AGBL1: variants seen among roughly 807,000 people sequenced by gnomAD.
AGBL1 encodes cytosolic carboxypeptidase 4.
Under a neutral mutation model 118.9 loss-of-function variants are expected in AGBL1, and 130 were observed. That is an observed-to-expected ratio of 1.09 (90% CI 0.95 to 1.26). The LOEUF is 1.26. Ranked by LOEUF, AGBL1 falls within the 50% of genes most tolerant of loss-of-function variation. AGBL1 has a pLI of 0.00. For missense variants in AGBL1, 1,584 were observed against 1,298.1 expected (o/e 1.22, Z -3.38); for synonymous variants, 555 against 478.9 (o/e 1.16, Z -2.08).
intron 21 of AGBL1, among the ~76,000 whole-genome samples, chr15:86,554,943 A>C (rs1035133823): frequency 6.6e-6 from 1 of 151,858 alleles, no homozygotes; most frequent in African/African-American, 2.4e-5. Context: ...TTGTTGGTAC[A>C]TATATCTATT....
At chr15:86,893,099 C>G (rs1567227228) in intron 22 of AGBL1, among the ~76,000 whole-genome samples, 1 of 152,128 alleles carries the variant, frequency 6.6e-6, no homozygotes, top group Non-Finnish European at 1.5e-5. Context: ...CAGAGTTGCT[C>G]TTTTCTCGCC....
intron 18 of AGBL1, among the ~76,000 whole-genome samples, chr15:86,411,976 A>G (rs1165830367): frequency 1.3e-5 from 2 of 152,098 alleles, no homozygotes; most frequent in African/African-American, 4.8e-5. Context: ...CTTTGAAAGC[A>G]CCCACTCCTA....
intron 21 of AGBL1, among the ~76,000 whole-genome samples, chr15:86,632,950 A>T (rs1159953768): frequency 1.3e-5 from 2 of 152,234 alleles, no homozygotes; most frequent in Non-Finnish European, 2.9e-5. Context: ...CAAAAAGCCT[A>T]CAAAAACACA....
At chr15:86,922,348 T>A (rs573804761) in intron 23 of AGBL1, among the ~76,000 whole-genome samples, 16 of 152,354 alleles carry the variant, frequency 1.1e-4, no homozygotes, top group Admixed American at 9.8e-4. Flanking sequence ...TGGAGTGCAA[T>A]GGCACAATCT....
intron 21 of AGBL1, among the ~76,000 whole-genome samples, chr15:86,612,699 A>T (rs1367964433): frequency 6.6e-6 from 1 of 152,104 alleles, no homozygotes. Flanking sequence ...TCTTGTGGGG[A>T]AAATTTGCAC....
chr15:87,004,128 C>G (rs1596730150), intron 24 of AGBL1, among the ~76,000 whole-genome samples: 1 of 152,182 alleles, frequency 6.6e-6, no homozygotes, highest in African/African-American at 2.4e-5. Flanking sequence ...CCTCTACACA[C>G]TGCTTTAAAT....
At chr15:86,815,557 T>C (rs2078847141) in intron 22 of AGBL1, among the ~76,000 whole-genome samples, 1 of 152,172 alleles carries the variant, frequency 6.6e-6, no homozygotes, top group Non-Finnish European at 1.5e-5. Context: ...AAACTGCACA[T>C]TATCAGGAGT....
Position 86,791,071 on chromosome 15 carries a change from A to T in AGBL1, c.3159-116016A>T, listed in dbSNP as rs377571084. ...TGGAAGATAGATGATATTTGGAAAG[A>T]TATGAAAATCCAGTCTTTAGACTGA... On this transcript the variant is annotated intron_variant, in intron 22 of 22. Transcript: ENST00000614907. Among the ~76,000 whole-genome samples, 298 of 152,326 alleles carry T rather than the reference A, an allele frequency of 2.0e-3. 2 individuals are homozygous for T. The highest frequency in any genetic ancestry group is 6.9e-3 in the African/African-American group (288 of 41,590).
intron 22 of AGBL1, among the ~76,000 whole-genome samples, chr15:86,714,582 C>T (rs2011360): frequency 0.85 from 128,594 of 152,076 alleles, 54,482 homozygotes; most frequent in East Asian, 0.93. Context: ...ATTCAAACGT[C>T]TAGAAAAAAA....
chr15:86,405,390 C>T (rs973486862), intron 18 of AGBL1, among the ~76,000 whole-genome samples: 2 of 151,950 alleles, frequency 1.3e-5, no homozygotes, highest in Non-Finnish European at 2.9e-5. Flanking sequence ...GTGGTGGGTA[C>T]CTGTAGTCCC....
intron 17 of AGBL1, chr15:86,304,813 A>G (rs2079812799): frequency 3.3e-5 from 5 of 152,270 alleles, no homozygotes. Context: ...CAGTCTCGAA[A>G]AGGACTTTTG....
chr15:86,684,669 C>G (rs1467844359), intron 22 of AGBL1, among the ~76,000 whole-genome samples: 1 of 152,038 alleles, frequency 6.6e-6, no homozygotes, highest in Non-Finnish European at 1.5e-5. Context: ...CAAGGAAGTT[C>G]AATTCTGATT....
chr15:86,957,738 GAGA>G (rs1263001858), intron 23 of AGBL1, among the ~76,000 whole-genome samples: 1 of 152,018 alleles, frequency 6.6e-6, no homozygotes, highest in Non-Finnish European at 1.5e-5. Context: ...CTTAATAAAT[GAGA>G]AGAATCAATA....
chr15:86,301,684 G>A (rs8030391), intron 17 of AGBL1, among the ~76,000 whole-genome samples: 1,648 of 138,374 alleles, frequency 0.012, 30 homozygotes, highest in African/African-American at 0.04. Flanking sequence ...GTGTGTGTGT[G>A]TGTGTGTGTG....
chr15:86,978,025 TATAA>T (rs1415622422), intron 23 of AGBL1, among the ~76,000 whole-genome samples: 1 of 152,108 alleles, frequency 6.6e-6, no homozygotes, highest in African/African-American at 2.4e-5. Context: ...TGTAGTCTTT[TATAA>T]ATAATTTTTT....
intron 4 of AGBL1, 138 bp downstream of exon 4, chr15:86,154,699 G>C (rs1372718947): frequency 1.8e-6 from 2 of 1,134,136 alleles, no homozygotes; most frequent in African/African-American, 3.2e-5. Flanking sequence ...AAATAAAAGA[G>C]ACTGACAATC....
intron 18 of AGBL1, among the ~76,000 whole-genome samples, chr15:86,513,876 C>T (rs758026546): frequency 5.3e-5 from 8 of 151,978 alleles, no homozygotes; most frequent in South Asian, 4.1e-4. Flanking sequence ...TTGATCTCTG[C>T]GTCATTTCAA....
chr15:86,919,573 GACACACACACACACACACACAC>G (rs376501612), downstream of AGBL1, among the ~76,000 whole-genome samples: 3 of 128,738 alleles, frequency 2.3e-5, no homozygotes, highest in African/African-American at 5.2e-5. Flanking sequence ...TCCCTGTTGA[GACACACACACACACACACACAC>G]ACACACACAC....
downstream of AGBL1, among the ~76,000 whole-genome samples, chr15:86,917,308 G>A (rs1000886602): frequency 6.6e-6 from 1 of 152,188 alleles, no homozygotes; most frequent in Non-Finnish European, 1.5e-5. This position sits in a 1 kb window ranked among gnomAD's most constrained non-coding sequence, Gnocchi z 4.8. Flanking sequence ...GCCTCTGCCT[G>A]GGCCTGGGCC....
Sources: gnomAD v4.1 joint callset for allele counts (sites outside exome capture counted in the v4.1 genomes callset) on GRCh38, gnomAD v4.1.1 for gene constraint, Gnocchi (gnomAD v3.1) non-coding constraint, MANE v1.5 for transcripts, NCBI Gene and HGNC (gene_info 2026-07-23, HGNC 2026-07-21) for gene names.